The following CAMK1D variants were observed in gnomAD, a reference collection of about 807,000 sequenced individuals.
CAMK1D encodes calcium/calmodulin-dependent protein kinase type 1D.
CAMK1D carries 9 observed loss-of-function variants against 47.7 expected under a neutral mutation model. That is an observed-to-expected ratio of 0.19 (90% confidence interval 0.11 to 0.33). The LOEUF (loss-of-function observed/expected upper bound fraction) is 0.33, where lower values mean the gene tolerates loss of function less well. CAMK1D is among the 10% of genes least tolerant of loss of function. CAMK1D has a pLI of 1.00. For missense variants in CAMK1D, 291 were observed against 488.7 expected (o/e 0.60, Z 3.81); for synonymous variants, 184 against 184.9 (o/e 0.99, Z 0.04).
intron 3 of CAMK1D, among the ~76,000 whole-genome samples, chr10:12,690,399 C>A (rs1832831975): frequency 6.6e-6 from 1 of 152,074 alleles, no homozygotes; most frequent in Non-Finnish European, 1.5e-5. Flanking sequence ...AGAAGCACAG[C>A]CTGTAGAAGG....
At chr10:12,747,581 G>T (rs990061600) in intron 3 of CAMK1D, among the ~76,000 whole-genome samples, 1 of 152,142 alleles carries the variant, frequency 6.6e-6, no homozygotes, top group African/African-American at 2.4e-5. Context: ...TCCTGCCTTG[G>T]CTTCCCAGAG....
At chr10:12,749,058 TG>T in intron 3 of CAMK1D, among the ~76,000 whole-genome samples, 1 of 94,764 alleles carries the variant, frequency 1.1e-5, no homozygotes, top group South Asian at 2.8e-4. Flanking sequence ...CAATTGCAAG[TG>T]TAAAAGCGTG....
At chr10:12,622,503 A>C (rs1320195216) in intron 2 of CAMK1D, among the ~76,000 whole-genome samples, 1 of 151,966 alleles carries the variant, frequency 6.6e-6, no homozygotes, top group Non-Finnish European at 1.5e-5. Context: ...ACCTGGCAGC[A>C]TCATGTTACA....
chr10:12,516,817 C>T (rs1382395713), intron 1 of CAMK1D, among the ~76,000 whole-genome samples: 8 of 152,134 alleles, frequency 5.3e-5, no homozygotes, highest in African/African-American at 1.2e-4. Context: ...ATCATTTACC[C>T]GTGTTTAAAA....
rs1380986576 is a variant in CAMK1D, at chr10:12,828,921, G to C, written c.*34G>C. On this transcript the variant is annotated 3_prime_UTR_variant, in exon 11 of 11. Coordinates refer to ENST00000619168, the MANE Select transcript of CAMK1D (RefSeq NM_153498.4). ...GGAGGTGGGGCCCGGGGTCGGGGCT[G>C]GGGAAGGGGAGCCCCAGGGTCGCCA... The C allele has an allele frequency of 6.7e-7, 1 of 1,494,672 alleles. No individual in the cohort carries two copies. The highest frequency in any genetic ancestry group is 1.2e-5 in the South Asian group (1 of 82,316). 92.6% of individuals were successfully genotyped at this position (1,494,672 alleles called of 1,614,324 possible). A position where few individuals can be genotyped will look rare whatever the true frequency, so the allele number is the denominator to read the frequency against.
chr10:12,706,782 C>T (rs1833741971), intron 3 of CAMK1D, among the ~76,000 whole-genome samples: 1 of 151,952 alleles, frequency 6.6e-6, no homozygotes, highest in Non-Finnish European at 1.5e-5. Context: ...CTCTGTTTTC[C>T]ATTCATTCCC....
chr10:12,689,548 G>A (rs1417398083), intron 3 of CAMK1D, among the ~76,000 whole-genome samples: 1 of 152,044 alleles, frequency 6.6e-6, no homozygotes, highest in Non-Finnish European at 1.5e-5. Context: ...AGGCCGAGGC[G>A]GGCGGATCAC....
intron 1 of CAMK1D, among the ~76,000 whole-genome samples, chr10:12,531,433 G>A (rs1835801935): frequency 6.6e-6 from 1 of 152,172 alleles, no homozygotes; most frequent in African/African-American, 2.4e-5. Flanking sequence ...TCTAGTGCCT[G>A]GACCTTACTG....
intron 2 of CAMK1D, among the ~76,000 whole-genome samples, chr10:12,556,102 C>T (rs138237730): frequency 2.8e-4 from 42 of 152,132 alleles, no homozygotes; most frequent in African/African-American, 1.0e-3. Context: ...GTGATTTCTC[C>T]AGGGATGCGA....
chr10:12,543,222 A>AT (rs1440057743), intron 1 of CAMK1D, among the ~76,000 whole-genome samples: 2 of 150,740 alleles, frequency 1.3e-5, no homozygotes, highest in East Asian at 3.9e-4. Context: ...TAATTTTTGT[A>AT]TTTTTTCTAT....
chr10:12,478,928 G>A lies in CAMK1D; in HGVS notation c.93-74297G>A, dbSNP rs79436090. 2.5e-4 allele frequency among the ~76,000 whole-genome samples: 38 copies of A among 152,298 alleles called. No individual in the cohort carries two copies. The East Asian group carries it at 6.9e-3, about 28-fold the overall frequency. On this transcript the variant is annotated intron_variant, in intron 1 of 10. Transcript: ENST00000619168. The stretch of plus-strand genomic sequence containing the variant: ...CCACAGCGTCCTGAGCGCCTGCAAC[G>A]TTTAGGGCCCTCTACCAAGTGTTTG...
At chr10:12,479,106 G>A (rs1833987470) in intron 1 of CAMK1D, among the ~76,000 whole-genome samples, 1 of 152,182 alleles carries the variant, frequency 6.6e-6, no homozygotes, top group African/African-American at 2.4e-5. Flanking sequence ...ATAGTCTCCT[G>A]TGGAGTATGT....
At chr10:12,472,182 G>C (rs968053210) in intron 1 of CAMK1D, among the ~76,000 whole-genome samples, 2 of 152,104 alleles carry the variant, frequency 1.3e-5, no homozygotes, top group African/African-American at 2.4e-5. Context: ...CTTTACTAAG[G>C]TGTGGGGACA....
intron 1 of CAMK1D, among the ~76,000 whole-genome samples, chr10:12,368,445 A>G (rs1054368385): frequency 6.6e-6 from 1 of 152,088 alleles, no homozygotes; most frequent in Non-Finnish European, 1.5e-5. Flanking sequence ...GGATAAGTGG[A>G]AGGAAAGGAG....
chr10:12,493,681 A>T (rs1182600450), intron 1 of CAMK1D, among the ~76,000 whole-genome samples: 32 of 152,106 alleles, frequency 2.1e-4, no homozygotes, highest in Non-Finnish European at 1.9e-4. Flanking sequence ...TTTAGTAGGG[A>T]TGGGGTTTCA....
At chr10:12,508,637 G>T (rs911979547) in intron 1 of CAMK1D, among the ~76,000 whole-genome samples, 3 of 152,084 alleles carry the variant, frequency 2.0e-5, no homozygotes, top group African/African-American at 7.2e-5. Flanking sequence ...TGGTAAAAAT[G>T]GTAAATTTTA....
rs369005523 is a variant in CAMK1D at position 12,824,451 on chromosome 10, T to G, written c.834-14T>G. The G allele has an allele frequency of 8.7e-5, 140 of 1,612,888 alleles. No homozygotes were observed. In the African/African-American group the frequency reaches 1.7e-3, roughly 20 times the overall value. On this transcript the variant is annotated splice_polypyrimidine_tract_variant and intron_variant, in intron 8 of 10. Coordinates refer to ENST00000619168, the MANE Select transcript of CAMK1D (RefSeq NM_153498.4). ...AAGAAGCACTTCAGAGCAGCACCTT[T>G]GCCTCTGTTTCAGGATCGCTGGTGA...
chr10:12,502,324 C>A (rs566729309), intron 1 of CAMK1D, among the ~76,000 whole-genome samples: 2 of 152,152 alleles, frequency 1.3e-5, no homozygotes, highest in African/African-American at 2.4e-5. Flanking sequence ...GAAAATCAGG[C>A]GGTGATGTAC....
At chr10:12,497,921 G>A (rs573173861) in intron 1 of CAMK1D, among the ~76,000 whole-genome samples, 95 of 152,324 alleles carry the variant, frequency 6.2e-4, no homozygotes, top group Admixed American at 1.1e-3. Context: ...ACATAGCTGG[G>A]GAGGCCTCAC....
Sources: gnomAD v4.1 joint callset for allele counts (sites outside exome capture counted in the v4.1 genomes callset) on GRCh38, gnomAD v4.1.1 for gene constraint, MANE v1.5 for transcripts, NCBI Gene and HGNC (gene_info 2026-07-23, HGNC 2026-07-21) for gene names.